ASB13: variants seen among roughly 807,000 people sequenced by gnomAD.
ASB13 encodes the protein ankyrin repeat and SOCS box containing 13.
In ASB13, 33 loss-of-function variants were observed where a neutral mutation model predicts 28.8. The ratio of observed to expected loss-of-function variants is 1.15; its 90% CI spans 0.87 to 1.53. ASB13 has a LOEUF of 1.53. Ranked by LOEUF, ASB13 falls within the 40% of genes most tolerant of loss-of-function variation. ASB13 has a pLI of 0.00. For synonymous variants in ASB13, 182 were observed against 172.9 expected, an observed-to-expected ratio of 1.05 and a Z score of -0.41; for missense variants, 414 against 390.1, an observed-to-expected ratio of 1.06 and a Z score of -0.52.
In ASB13 at chr10:5,655,608, G is replaced by T. The variant is rs200867061; in HGVS notation, c.44-2558C>A. Among the ~76,000 whole-genome samples, 1 of 152,206 alleles carries T rather than the reference G, an allele frequency of 6.6e-6. No homozygotes were observed. The highest frequency in any genetic ancestry group is 2.4e-5 in the African/African-American group (1 of 41,452). ...AAGGAAGATTCGATCCCCACAAAAT[G>T]TAAAAGTCAAGCTTGTGGAACTTTC... is the stretch of plus-strand genomic sequence containing the variant. On this transcript the variant is annotated intron_variant, in intron 1 of 5. Transcript: ENST00000357700. The surrounding 1 kb of genome is among the most constrained non-coding windows in gnomAD (Gnocchi z 6.2).
chr10:5,641,924 G>A lies in ASB13; in HGVS notation c.555C>T (p.Ala185=). The A allele has an allele frequency of 6.2e-7, 1 of 1,612,398 alleles. No homozygotes were observed. Among genetic ancestry groups the A allele is most frequent in the Non-Finnish European group, 8.5e-7 (1 of 1,178,502 alleles). ...TCTTGACCTTGGCCGCGTGGTGAAG[G>A]GCAGTCTCATGAAGCTTTGCCGCAT... The part of the protein sequence containing the change: ...NVNAAKLHET[A]LHHAAKVKNV... Residue 185 remains alanine (A), a synonymous_variant, in exon 5 of 6, where the codon GCC becomes GCT. Coordinates refer to ENST00000357700, the MANE Select transcript of ASB13 (RefSeq NM_024701.4). This position sits in a 1 kb window ranked among gnomAD's most constrained non-coding sequence, Gnocchi z 8.4.
In ASB13 at chr10:5,660,369, GC is replaced by G. The variant is rs1477455121; in HGVS notation, c.43+6139del. Among the ~76,000 whole-genome samples, 4 of 152,108 alleles carry G rather than the reference GC, an allele frequency of 2.6e-5. No individual in the cohort carries two copies. The highest frequency in any genetic ancestry group is 4.4e-5 in the Non-Finnish European group (3 of 68,022). On this transcript the variant is annotated intron_variant, in intron 1 of 5. Coordinates refer to ENST00000357700, the MANE Select transcript of ASB13 (RefSeq NM_024701.4). This position sits in a 1 kb window ranked among gnomAD's most constrained non-coding sequence, Gnocchi z 6.1. ...TCCCCTCTCTTGCCCCTTTGCTGGG[GC>G]CCCGACACCCTCCCATCTAAGGCTG...
chr10:5,639,633 G>A lies in ASB13; in HGVS notation c.*1070C>T, dbSNP rs957558337. 3.1e-4 allele frequency: 8 copies of A among 25,416 alleles called. No individual in the cohort carries two copies. The highest frequency in any genetic ancestry group is 1.3e-3 in the East Asian group (1 of 782). 1.6% of individuals were successfully genotyped at this position (25,416 alleles called of 1,614,324 possible). A position where few individuals can be genotyped will look rare whatever the true frequency, so the allele number is the denominator to read the frequency against. Reference sequence around the variant, plus strand: ...CGACCTGTTTCTATCACTGCAGGACGGGATTGCAAGATTTTCTTATCCTGC... The same window carrying A: ...CGACCTGTTTCTATCACTGCAGGACAGGATTGCAAGATTTTCTTATCCTGC... On this transcript the variant is annotated 3_prime_UTR_variant, in exon 6 of 6. Transcript: ENST00000357700.
rs946584051 is a variant in ASB13, at chr10:5,641,160, G to A, written c.710-330C>T. Among the ~76,000 whole-genome samples the A allele has an allele frequency of 3.9e-5, 6 of 152,086 alleles. No homozygotes were observed. The highest frequency in any genetic ancestry group is 6.6e-5 in the Admixed American group (1 of 15,266). On this transcript the variant is annotated intron_variant, in intron 5 of 5. Transcript: ENST00000357700. This position sits in a 1 kb window ranked among gnomAD's most constrained non-coding sequence, Gnocchi z 8.4. ...TCTGTCACCCAGGCTGGAGTGCAGCGGCACAATCTCAGCTCACTGCAACCT... is the reference window on the plus strand; with the variant it reads ...TCTGTCACCCAGGCTGGAGTGCAGCAGCACAATCTCAGCTCACTGCAACCT...
At position 5,652,794 on chromosome 10, in the gene ASB13, T is replaced by TCCTGAGTC. The variant is rs1418797519; in HGVS notation, c.231+61_231+68dup. 9 of 1,434,448 alleles carry TCCTGAGTC rather than the reference T, an allele frequency of 6.3e-6. No homozygotes were observed. The East Asian group carries it at 2.3e-4, about 36-fold the overall frequency. 88.9% of individuals were successfully genotyped at this position (1,434,448 alleles called of 1,614,324 possible). On this transcript the variant is annotated intron_variant, in intron 2 of 5. Transcript: ENST00000357700. The surrounding 1 kb of genome is among the most constrained non-coding windows in gnomAD (Gnocchi z 5.0). ...CCATCCTCCCCTCTTTCCCAAGTTC[T>TCCTGAGTC]CCTGAGTCAACCTCCTCCATTCTGG...
chr10:5,666,049 G>A (rs1305177587), intron 1 of ASB13, among the ~76,000 whole-genome samples: 1 of 152,176 alleles, frequency 6.6e-6, no homozygotes, highest in Non-Finnish European at 1.5e-5. Context: ...GCCTCTGCAG[G>A]ATGCTCGGAC....
Position 5,641,294 on chromosome 10 carries a change from G to T in ASB13, c.710-464C>A, listed in dbSNP as rs1017178751. ...TTTTTATATTTTTAGTAGAGATGGG[G>T]TTTCATCAAGTTGGCCAGGCTGGTT... is the stretch of plus-strand genomic sequence containing the variant. On this transcript the variant is annotated intron_variant, in intron 5 of 5. Coordinates refer to ENST00000357700, the MANE Select transcript of ASB13 (RefSeq NM_024701.4). The surrounding 1 kb of genome is among the most constrained non-coding windows in gnomAD (Gnocchi z 8.4). Among the ~76,000 whole-genome samples the T allele has an allele frequency of 7.9e-5, 12 of 152,104 alleles. No individual in the cohort carries two copies. Among genetic ancestry groups the T allele is most frequent in the Non-Finnish European group, 1.2e-4 (8 of 68,030 alleles).
In ASB13 at chr10:5,655,607, T is replaced by C. The variant is rs1835057761; in HGVS notation, c.44-2557A>G. On this transcript the variant is annotated intron_variant, in intron 1 of 5. Transcript: ENST00000357700. This position sits in a 1 kb window ranked among gnomAD's most constrained non-coding sequence, Gnocchi z 6.2. The stretch of plus-strand genomic sequence containing the variant: ...AAAGGAAGATTCGATCCCCACAAAA[T>C]GTAAAAGTCAAGCTTGTGGAACTTT... 6.6e-6 allele frequency among the ~76,000 whole-genome samples: 1 copy of C among 152,144 alleles called. No homozygotes were observed. The highest frequency in any genetic ancestry group is 1.5e-5 in the Non-Finnish European group (1 of 68,038).
At position 5,661,833 on chromosome 10, in the gene ASB13, T is replaced by C. The variant is rs1181730231; in HGVS notation, c.43+4676A>G. Among the ~76,000 whole-genome samples, 1 of 152,126 alleles carries C rather than the reference T, an allele frequency of 6.6e-6. No individual in the cohort carries two copies. Among genetic ancestry groups the C allele is most frequent in the Admixed American group, 6.5e-5 (1 of 15,278 alleles). On this transcript the variant is annotated intron_variant, in intron 1 of 5. Transcript: ENST00000357700. This position sits in a 1 kb window ranked among gnomAD's most constrained non-coding sequence, Gnocchi z 4.9. ...TCTTAAATGTTGCTGGAGTCAGAAATTTTGTTCCGAGTAAATCACCAAGGG... is the reference window on the plus strand; with the variant it reads ...TCTTAAATGTTGCTGGAGTCAGAAACTTTGTTCCGAGTAAATCACCAAGGG...
Position 5,658,430 on chromosome 10 carries a change from A to C in ASB13, c.44-5380T>G, listed in dbSNP as rs1258630954. Among the ~76,000 whole-genome samples, 4 of 152,022 alleles carry C rather than the reference A, an allele frequency of 2.6e-5. No individual in the cohort carries two copies. Among genetic ancestry groups the C allele is most frequent in the South Asian group, 2.1e-4 (1 of 4,826 alleles). ...TGGGTGACTTTGTCTGAAAAAAAAA[A>C]AAAAAACAAAACCAAATAAGCCATT... On this transcript the variant is annotated intron_variant, in intron 1 of 5. Coordinates refer to ENST00000357700, the MANE Select transcript of ASB13 (RefSeq NM_024701.4). The surrounding 1 kb of genome is among the most constrained non-coding windows in gnomAD (Gnocchi z 4.2).
chr10:5,653,105 T>G, intron 1 of ASB13, 55 bp from the exon 2 acceptor site: 1 of 1,470,540 alleles, frequency 6.8e-7, no homozygotes, highest in African/African-American at 1.4e-5. Flanking sequence ...CCAGGACAAA[T>G]GAGCACACGT....
In ASB13 at chr10:5,666,568, C is replaced by T; in HGVS notation, c.-17G>A. 2.6e-6 allele frequency: 3 copies of T among 1,150,454 alleles called. No individual in the cohort carries two copies. In the South Asian group the frequency reaches 1.2e-4, roughly 47 times the overall value. The allele number at this position is 1,150,454 out of a possible 1,614,324, so 71.3% of individuals were successfully genotyped here. ...GGGCTCCATGCGGCTCACCGGCGGC[C>T]GCGCGGCGACTCTGGGCGCCGGGAC... On this transcript the variant is annotated 5_prime_UTR_variant, in exon 1 of 6. Coordinates refer to ENST00000357700, the MANE Select transcript of ASB13 (RefSeq NM_024701.4).
intron 1 of ASB13, 59 bp from the exon 2 acceptor site, chr10:5,653,109 C>A: frequency 6.9e-7 from 1 of 1,456,888 alleles, no homozygotes. Flanking sequence ...GACAAATGAG[C>A]ACACGTAAGA....
rs1835138731 is a variant in ASB13, at chr10:5,660,239, A to G, written c.43+6270T>C. Among the ~76,000 whole-genome samples the G allele has an allele frequency of 6.6e-6, 1 of 152,222 alleles. No homozygotes were observed. The highest frequency in any genetic ancestry group is 2.1e-4 in the South Asian group (1 of 4,832). On this transcript the variant is annotated intron_variant, in intron 1 of 5. Transcript: ENST00000357700. The surrounding 1 kb of genome is among the most constrained non-coding windows in gnomAD (Gnocchi z 6.1). ...ACGGCAGACGTCACCTTGAGAAGGA[A>G]TGACACGTGCTTCAGAACGTTCTCT...
At chr10:5,653,586 C>T (rs1363227634) in intron 1 of ASB13, among the ~76,000 whole-genome samples, 1 of 152,234 alleles carries the variant, frequency 6.6e-6, no homozygotes, top group Non-Finnish European at 1.5e-5. Context: ...CTTCCTCAGG[C>T]TTGTCTATAT....
rs1307191755 is a variant in ASB13, at chr10:5,639,515, G to T, written c.*1188C>A. 6.6e-6 allele frequency: 1 copy of T among 152,176 alleles called. No individual in the cohort carries two copies. The highest frequency in any genetic ancestry group is 1.9e-4 in the East Asian group (1 of 5,196). 9.4% of individuals were successfully genotyped at this position (152,176 alleles called of 1,614,324 possible). A position where few individuals can be genotyped will look rare whatever the true frequency, so the allele number is the denominator to read the frequency against. On this transcript the variant is annotated 3_prime_UTR_variant, in exon 6 of 6. Coordinates refer to ENST00000357700, the MANE Select transcript of ASB13 (RefSeq NM_024701.4). ...AGTTTAACTCCCTGTTGTGGGCGGG[G>T]TTCTTAAAATTTATGAAGGCAAAGA...
At chr10:5,653,177 C>T in intron 1 of ASB13, 127 bp from the exon 2 acceptor site, 1 of 1,045,962 alleles carries the variant, frequency 9.6e-7, no homozygotes. Context: ...TGTCCCAGCA[C>T]TTCTACAAAG....
rs1003289744 is a variant in ASB13 at position 5,645,550 on chromosome 10, C to T, written c.517+3420G>A. On this transcript the variant is annotated intron_variant, in intron 4 of 5. Coordinates refer to ENST00000357700, the MANE Select transcript of ASB13 (RefSeq NM_024701.4). This position sits in a 1 kb window ranked among gnomAD's most constrained non-coding sequence, Gnocchi z 5.4. The stretch of plus-strand genomic sequence containing the variant: ...AGAACAAGAACAACGGTCTCCACGT[C>T]CCCCGTGGGGTGCAACGTGGCTCTG... Among the ~76,000 whole-genome samples the T allele has an allele frequency of 6.6e-6, 1 of 152,200 alleles. No individual in the cohort carries two copies. Among genetic ancestry groups the T allele is most frequent in the Non-Finnish European group, 1.5e-5 (1 of 68,036 alleles).
At chr10:5,648,712 GGGTAAACACCCACGCA>G (rs1834933112) in intron 4 of ASB13, among the ~76,000 whole-genome samples, 1 of 117,864 alleles carries the variant, frequency 8.5e-6, no homozygotes, top group South Asian at 2.8e-4. Flanking sequence ...ACACCCCCGG[GGGTAAACACCCACGCA>G]GGTAAACACC....
Sources: gnomAD v4.1 joint callset for allele counts (sites outside exome capture counted in the v4.1 genomes callset) on GRCh38, gnomAD v4.1.1 for gene constraint, Gnocchi (gnomAD v3.1) non-coding constraint, MANE v1.5 for transcripts, NCBI Gene and HGNC (gene_info 2026-07-23, HGNC 2026-07-21) for gene names.